The following FAM83G variants were observed in gnomAD, a reference collection of about 807,000 sequenced individuals.
The protein encoded by FAM83G is scaffolding CK1 anchoring protein G, also known as protein FAM83G.
FAM83G carries 38 observed loss-of-function variants against 61.5 expected under a neutral mutation model. The ratio of observed to expected loss-of-function variants is 0.62; its 90% CI spans 0.48 to 0.81. FAM83G has a LOEUF of 0.81. FAM83G is among the 30% of genes least tolerant of loss of function. The pLI is 0.00. For missense variants in FAM83G, 989 were observed against 1,133.6 expected (o/e 0.87, Z 1.83); for synonymous variants, 470 against 476.1 (o/e 0.99, Z 0.17).
intron 3 of FAM83G, among the ~76,000 whole-genome samples, chr17:18,984,202 C>G (rs1487748476): frequency 6.6e-6 from 1 of 152,048 alleles, no homozygotes; most frequent in East Asian, 1.9e-4. Context: ...ATTAGCCGGG[C>G]GTGGTGGCGG....
intron 4 of FAM83G, 89 bp downstream of exon 4, chr17:18,979,460 C>A (rs1033121559): frequency 1.3e-6 from 2 of 1,501,340 alleles, no homozygotes; most frequent in East Asian, 2.3e-5. Flanking sequence ...ACCAATGAAC[C>A]GGAATAACCA....
upstream of FAM83G, among the ~76,000 whole-genome samples, chr17:19,005,966 G>C (rs1597900634): frequency 6.6e-6 from 1 of 152,300 alleles, no homozygotes; most frequent in East Asian, 1.9e-4. Context: ...CTCTGCTACT[G>C]TGGATCCCCT....
At chr17:18,988,438 G>A (rs781718386) in intron 2 of FAM83G, 24 bp from the exon 3 acceptor site, 2 of 1,612,372 alleles carry the variant, frequency 1.2e-6, no homozygotes, top group Non-Finnish European at 1.7e-6. Context: ...GAGAGACTAG[G>A]GCCTGTCAGA....
intron 4 of FAM83G, 57 bp downstream of exon 4, chr17:18,979,492 G>A (rs750024364): frequency 2.5e-5 from 40 of 1,598,610 alleles, no homozygotes; most frequent in Non-Finnish European, 3.4e-5. Flanking sequence ...AAGGGCAGAA[G>A]CCAGTTGGGA....
intron 5 of FAM83G, among the ~76,000 whole-genome samples, chr17:18,973,234 C>T (rs1380849178): frequency 6.6e-6 from 1 of 152,234 alleles, no homozygotes; most frequent in African/African-American, 2.4e-5. Flanking sequence ...TGGCATGGCA[C>T]GGTCTTCTCT....
In FAM83G at chr17:18,970,961, G is replaced by A. The variant is rs2042826238; in HGVS notation, c.*398C>T. 1.3e-6 allele frequency: 2 copies of A among 1,558,910 alleles called. No individual in the cohort carries two copies. The highest frequency in any genetic ancestry group is 2.7e-5 in the African/African-American group (2 of 73,872). On this transcript the variant is annotated 3_prime_UTR_variant, in exon 6 of 6. Transcript: ENST00000388995. Reference sequence around the variant, plus strand: ...ATGAAGGCAGGGGGGAGCCCAGGGAGTCAGGGCCCCGCAACCACCAAACTG... The same window carrying A: ...ATGAAGGCAGGGGGGAGCCCAGGGAATCAGGGCCCCGCAACCACCAAACTG...
Position 18,968,948 on chromosome 17 carries a change from C to T in FAM83G, c.*2411G>A. ...AGTGGGGGTCTCCCCTCCTTATCCACAGGCCACCGAGGCCCAGAGAGGGCC... is the reference window on the plus strand; with the variant it reads ...AGTGGGGGTCTCCCCTCCTTATCCATAGGCCACCGAGGCCCAGAGAGGGCC... On this transcript the variant is annotated 3_prime_UTR_variant, in exon 6 of 6. Coordinates refer to ENST00000388995, the MANE Select transcript of FAM83G (RefSeq NM_001039999.3). This position sits in a 1 kb window ranked among gnomAD's most constrained non-coding sequence, Gnocchi z 4.1. 1.8e-6 allele frequency: 2 copies of T among 1,104,124 alleles called. No homozygotes were observed. The highest frequency in any genetic ancestry group is 1.3e-6 in the Non-Finnish European group (1 of 783,504). The allele number at this position is 1,104,124 out of a possible 1,614,324, so 68.4% of individuals were successfully genotyped here.
In FAM83G at chr17:18,979,546, C is replaced by T; in HGVS notation, c.815+3G>A. On this transcript the variant is annotated splice_donor_region_variant and intron_variant, in intron 4 of 5. Coordinates refer to ENST00000388995, the MANE Select transcript of FAM83G (RefSeq NM_001039999.3). ...ACAACTTCCCTGAAAGCTGGAGAGT[C>T]ACCTGTAGGAGCCGCACACAGCCCG... The T allele has an allele frequency of 6.2e-7, 1 of 1,612,944 alleles. No individual in the cohort carries two copies. Among genetic ancestry groups the T allele is most frequent in the Non-Finnish European group, 8.5e-7 (1 of 1,179,742 alleles).
rs1460147834 is a variant in FAM83G at position 19,000,639 on chromosome 17, C to A, written c.522+2881G>T. Among the ~76,000 whole-genome samples the A allele has an allele frequency of 6.6e-6, 1 of 152,160 alleles. No homozygotes were observed. Among genetic ancestry groups the A allele is most frequent in the African/African-American group, 2.4e-5 (1 of 41,424 alleles). On this transcript the variant is annotated intron_variant, in intron 2 of 5. Transcript: ENST00000388995. The surrounding 1 kb of genome is among the most constrained non-coding windows in gnomAD (Gnocchi z 5.2). The stretch of plus-strand genomic sequence containing the variant: ...GGAAGGCTGGGCTGTCCTGACTCAG[C>A]CCCAGCAGCCCCAGCCTAAAGCCCC...
At position 18,979,655 on chromosome 17, in the gene FAM83G, T is replaced by C. The variant is rs775165875; in HGVS notation, c.709A>G (p.Ser237Gly). 1.5e-5 allele frequency: 24 copies of C among 1,613,440 alleles called. No homozygotes were observed. Among genetic ancestry groups the C allele is most frequent in the Non-Finnish European group, 1.9e-5 (22 of 1,179,964 alleles). ...CGCGTGAAGAACTCAGTTCCCCCGC[T>C]GCTCCGCACTCTGAGATTCTGTTTT... ...GHLKNLRVRSSGGTEFFTRSA... is the reference protein window; with the variant it reads ...GHLKNLRVRSGGGTEFFTRSA... The change falls in exon 4 of 6, where the codon AGC (serine) becomes GGC (glycine). Residue 237 changes from serine (S) to glycine (G), a missense_variant. Around this residue, in one of 3 missense-constraint regions of FAM83G, gnomAD observed 371 missense variants for 404.5 expected, o/e 0.92. Coordinates refer to ENST00000388995, the MANE Select transcript of FAM83G (RefSeq NM_001039999.3).
intron 5 of FAM83G, chr17:18,977,280 C>G: frequency 1.7e-6 from 1 of 580,680 alleles, no homozygotes; most frequent in Non-Finnish European, 3.0e-6. Context: ...TGCCACCCAT[C>G]TGGCAGGTGC....
chr17:19,000,780 G>C lies in FAM83G; in HGVS notation c.522+2740C>G, dbSNP rs1219642821. 6.6e-6 allele frequency among the ~76,000 whole-genome samples: 1 copy of C among 152,232 alleles called. No homozygotes were observed. The highest frequency in any genetic ancestry group is 1.5e-5 in the Non-Finnish European group (1 of 68,036). On this transcript the variant is annotated intron_variant, in intron 2 of 5. Coordinates refer to ENST00000388995, the MANE Select transcript of FAM83G (RefSeq NM_001039999.3). The surrounding 1 kb of genome is among the most constrained non-coding windows in gnomAD (Gnocchi z 5.2). Reference sequence around the variant, plus strand: ...ACCAGAGTGAGAAGGGGAGGTGGAAGCATGGGCACGAGAGGTGATTCATGG... The same window carrying C: ...ACCAGAGTGAGAAGGGGAGGTGGAACCATGGGCACGAGAGGTGATTCATGG...
Position 18,977,875 on chromosome 17 carries a change from T to C in FAM83G, c.1791A>G (p.Ser597=), listed in dbSNP as rs1429737237. The C allele has an allele frequency of 1.9e-6, 3 of 1,611,044 alleles. No individual in the cohort carries two copies. Among genetic ancestry groups the C allele is most frequent in the Non-Finnish European group, 8.5e-7 (1 of 1,179,804 alleles). ...GGCCAGGGCCACGGCCGGAGCTGCC[T>C]GAGTGGCTGTCCTGGTCACTGAGGG... The part of the protein sequence containing the change: ...YVTLSDQDSH[S]GSSGRGPGPR... Residue 597 remains serine (S), a synonymous_variant, in exon 5 of 6, where the codon TCA becomes TCG. Coordinates refer to ENST00000388995, the MANE Select transcript of FAM83G (RefSeq NM_001039999.3).
At position 18,969,182 on chromosome 17, in the gene FAM83G, C is replaced by A. The variant is rs1054204165; in HGVS notation, c.*2177G>T. The A allele has an allele frequency of 6.2e-7, 1 of 1,610,080 alleles. No individual in the cohort carries two copies. The highest frequency in any genetic ancestry group is 1.7e-5 in the Admixed American group (1 of 59,734). ...GGTATGGTGCCTGCAGCAGGGAGGT[C>A]CACCCAGGGGACGTGTAAAGGGGTC... On this transcript the variant is annotated 3_prime_UTR_variant, in exon 6 of 6. Transcript: ENST00000388995.
intron 3 of FAM83G, 74 bp downstream of exon 3, chr17:18,988,173 T>TACAA (rs2043316878): frequency 1.3e-6 from 2 of 1,559,980 alleles, no homozygotes; most frequent in Admixed American, 3.4e-5. Context: ...AGCAGGCAGG[T>TACAA]ACTCGAAGTG....
Position 19,003,620 on chromosome 17 carries a change from T to G in FAM83G, c.422A>C (p.Tyr141Ser). The G allele has an allele frequency of 6.2e-7, 1 of 1,612,056 alleles. No individual in the cohort carries two copies. Among genetic ancestry groups the G allele is most frequent in the Non-Finnish European group, 8.5e-7 (1 of 1,179,372 alleles). ...LDLGWPDTIA[Y>S]RGVTRASVYM... Reference sequence around the variant, plus strand: ...GACGCTAGCCCGGGTCACGCCGCGGTAGGCGATGGTGTCGGGCCAGCCCAG... The same window carrying G: ...GACGCTAGCCCGGGTCACGCCGCGGGAGGCGATGGTGTCGGGCCAGCCCAG... Residue 141 changes from tyrosine (Y) to serine (S), a missense_variant, in exon 2 of 6, where the codon TAC becomes TCC. Physicochemically the swap from Tyr to Ser is moderately radical, Grantham distance 144 (BLOSUM62 -2). Around this residue, in one of 3 missense-constraint regions of FAM83G, gnomAD observed 371 missense variants for 404.5 expected, o/e 0.92. Transcript: ENST00000388995. This position sits in a 1 kb window ranked among gnomAD's most constrained non-coding sequence, Gnocchi z 4.5.
At chr17:18,985,862 G>A (rs2043256857) in intron 3 of FAM83G, among the ~76,000 whole-genome samples, 1 of 152,178 alleles carries the variant, frequency 6.6e-6, no homozygotes, top group Non-Finnish European at 1.5e-5. Context: ...AAGGGCTGGG[G>A]GTGGAACAGG....
rs544666288 is a variant in FAM83G at position 19,000,086 on chromosome 17, G to A, written c.522+3434C>T. ...AGGCCGGGGCTCGCCCCTCCCAGGC[G>A]TGATCTTACAAGCCCGTCCTCTGGT... On this transcript the variant is annotated intron_variant, in intron 2 of 5. Coordinates refer to ENST00000388995, the MANE Select transcript of FAM83G (RefSeq NM_001039999.3). The surrounding 1 kb of genome is among the most constrained non-coding windows in gnomAD (Gnocchi z 5.2). Among the ~76,000 whole-genome samples the A allele has an allele frequency of 1.3e-5, 2 of 152,346 alleles. No homozygotes were observed. The highest frequency in any genetic ancestry group is 6.5e-5 in the Admixed American group (1 of 15,306).
Position 19,002,485 on chromosome 17 carries a change from T to C in FAM83G, c.522+1035A>G, listed in dbSNP as rs74828898. On this transcript the variant is annotated intron_variant, in intron 2 of 5. Coordinates refer to ENST00000388995, the MANE Select transcript of FAM83G (RefSeq NM_001039999.3). ...GGTCCCCGAAGCCAGCATTCTGGTC[T>C]TCTGCAATTGGCTGCCCTGCTCTGG... 0.011 allele frequency among the ~76,000 whole-genome samples: 1,643 copies of C among 152,374 alleles called. 117 individuals are homozygous for C. In the East Asian group the frequency reaches 0.19, roughly 18 times the overall value.
Sources: gnomAD v4.1 joint callset for allele counts (sites outside exome capture counted in the v4.1 genomes callset) on GRCh38, gnomAD v4.1.1 for gene constraint, gnomAD v4.1.1 regional missense constraint, Gnocchi (gnomAD v3.1) non-coding constraint, MANE v1.5 for transcripts, NCBI Gene and HGNC (gene_info 2026-07-23, HGNC 2026-07-21) for gene names.